C10orf90: variants seen among roughly 807,000 people sequenced by gnomAD.
The protein encoded by C10orf90 is (E2-independent) E3 ubiquitin-conjugating enzyme FATS.
C10orf90 carries 56 observed loss-of-function variants against 62.5 expected under a neutral mutation model. That is an observed-to-expected ratio of 0.90 (90% CI 0.72 to 1.12). The LOEUF (loss-of-function observed/expected upper bound fraction) is 1.12, where lower values mean the gene tolerates loss of function less well. Among genes scored for constraint, C10orf90 ranks in the 50% most tolerant of loss-of-function variants. The pLI is 0.00. For missense variants in C10orf90, 970 were observed against 880.4 expected, an observed-to-expected ratio of 1.10 and a Z score of -1.29; for synonymous variants, 386 against 340.4, an observed-to-expected ratio of 1.13 and a Z score of -1.47.
chr10:126,445,837 A>G (rs1471318000), intron 7 of C10orf90, among the ~76,000 whole-genome samples: 1 of 142,904 alleles, frequency 7.0e-6, no homozygotes, highest in African/African-American at 2.5e-5. Context: ...ACAATGGAAT[A>G]CTACTCAGCC....
At chr10:126,459,524 G>A (rs1158288268) in intron 6 of C10orf90, among the ~76,000 whole-genome samples, 1 of 152,192 alleles carries the variant, frequency 6.6e-6, no homozygotes, top group Non-Finnish European at 1.5e-5. Context: ...TTTCTACCCT[G>A]CTGAGTCATT....
At chr10:126,574,814 T>C (rs1844576999) in intron 2 of C10orf90, among the ~76,000 whole-genome samples, 1 of 152,132 alleles carries the variant, frequency 6.6e-6, no homozygotes, top group Non-Finnish European at 1.5e-5. Flanking sequence ...TCCACAGCAA[T>C]CTATGGCCAT....
chr10:126,557,479 C>A (rs75390780), intron 2 of C10orf90, among the ~76,000 whole-genome samples: 47 of 131,560 alleles, frequency 3.6e-4, no homozygotes, highest in African/African-American at 3.2e-4. Context: ...GACTCCATCT[C>A]AAAAAAAAAA....
chr10:126,494,602 G>A (rs1861941474), intron 4 of C10orf90, among the ~76,000 whole-genome samples: 1 of 152,172 alleles, frequency 6.6e-6, no homozygotes, highest in African/African-American at 2.4e-5. Flanking sequence ...CCACACCAAA[G>A]CACACAGAAA....
chr10:126,564,723 T>C (rs375462927), intron 2 of C10orf90, among the ~76,000 whole-genome samples: 5 of 142,202 alleles, frequency 3.5e-5, no homozygotes, highest in African/African-American at 1.3e-4. Context: ...GCCTGACTAC[T>C]GAGTGTCCTT....
chr10:126,521,260 T>C (rs1376247362), intron 2 of C10orf90: 1 of 1,604,268 alleles, frequency 6.2e-7, no homozygotes, highest in Non-Finnish European at 8.5e-7. Flanking sequence ...CTTTATATTT[T>C]AATAAGGGTT....
At chr10:126,476,325 T>G (rs921280481) in intron 4 of C10orf90, among the ~76,000 whole-genome samples, 1 of 152,220 alleles carries the variant, frequency 6.6e-6, no homozygotes, top group African/African-American at 2.4e-5. Context: ...CGTGGCCCTG[T>G]GTGCATCTCC....
chr10:126,633,590 A>C (rs1845893508), intron 2 of C10orf90, among the ~76,000 whole-genome samples: 1 of 152,226 alleles, frequency 6.6e-6, no homozygotes. Context: ...CGGGCTGAGC[A>C]TGGAGACCAA....
intron 2 of C10orf90, among the ~76,000 whole-genome samples, chr10:126,553,427 T>C (rs188405252): frequency 1.5e-3 from 221 of 152,220 alleles, no homozygotes; most frequent in African/African-American, 4.9e-3. Context: ...CAAAATACAA[T>C]CTTGTACCAC....
At position 126,459,113 on chromosome 10, in the gene C10orf90, G is replaced by A. The variant is rs529103539; in HGVS notation, c.2115C>T (p.Asp705=). The A allele has an allele frequency of 6.2e-7, 1 of 1,614,118 alleles. No individual in the cohort carries two copies. Among genetic ancestry groups the A allele is most frequent in the Admixed American group, 1.7e-5 (1 of 60,024 alleles). Residue 705 remains aspartate (D), a synonymous_variant, in exon 7 of 10, where the codon GAC becomes GAT. Transcript: ENST00000488181. The part of the protein sequence containing the change: ...VQQRKAQRKE[D]LRQKQSLLPI... ...GAAGGAGGCTCTGCTTCTGCCTCAG[G>A]TCCTCCTTCCGCTGGGCTTTCCTCT...
At position 126,510,887 on chromosome 10, in the gene C10orf90, G is replaced by A. The variant is rs59781949; in HGVS notation, c.405+2961C>T. 3.0e-3 allele frequency among the ~76,000 whole-genome samples: 463 copies of A among 152,342 alleles called. 6 individuals are homozygous for A. Among genetic ancestry groups the A allele is most frequent in the African/African-American group, 0.011 (454 of 41,584 alleles). ...CAGAGGAATCGGCTCCTAAGCCACT[G>A]GAGAGGCGATGCCTCCATTCCTGTA... is the stretch of plus-strand genomic sequence containing the variant. On this transcript the variant is annotated intron_variant, in intron 3 of 9. Coordinates refer to ENST00000488181, the MANE Select transcript of C10orf90 (RefSeq NM_001350921.2).
Position 126,503,970 on chromosome 10 carries a change from C to G in C10orf90, c.1521G>C (p.Trp507Cys), listed in dbSNP as rs1475128269. 2 of 1,610,726 alleles carry G rather than the reference C, an allele frequency of 1.2e-6. No homozygotes were observed. Among genetic ancestry groups the G allele is most frequent in the Non-Finnish European group, 1.7e-6 (2 of 1,178,736 alleles). ...CGCACCACTCACCTGCCCTGTAACT[C>G]CAGCCAGGAATGTGAATGGACAGTT... Reference protein sequence around the residue: ...ANQLSIHIPGWSYRAVHTKVF... With the variant: ...ANQLSIHIPGCSYRAVHTKVF... Residue 507 changes from tryptophan (W) to cysteine (C), a missense_variant, in exon 4 of 10, where the codon TGG becomes TGC. Physicochemically the swap from Trp to Cys is radical, Grantham distance 215 (BLOSUM62 -2). Coordinates refer to ENST00000488181, the MANE Select transcript of C10orf90 (RefSeq NM_001350921.2).
At chr10:126,467,349 G>A (rs535342705) in intron 4 of C10orf90, among the ~76,000 whole-genome samples, 14 of 152,288 alleles carry the variant, frequency 9.2e-5, no homozygotes, top group Middle Eastern at 3.4e-3. Flanking sequence ...ACGTACAATC[G>A]TCAGCTGTGC....
chr10:126,643,451 T>C (rs568514493), intron 2 of C10orf90, among the ~76,000 whole-genome samples: 60 of 152,204 alleles, frequency 3.9e-4, no homozygotes, highest in Non-Finnish European at 8.2e-4. Context: ...TTGAGATACA[T>C]GCCTGGCCCA....
chr10:126,496,548 A>G (rs778702447), intron 4 of C10orf90: 10 of 481,592 alleles, frequency 2.1e-5, no homozygotes, highest in Non-Finnish European at 2.7e-5. Context: ...GATTATTCTT[A>G]CCGAGTTCCT....
intron 4 of C10orf90, among the ~76,000 whole-genome samples, chr10:126,486,149 G>C: frequency 6.6e-6 from 1 of 152,196 alleles, no homozygotes; most frequent in East Asian, 1.9e-4. Flanking sequence ...CTAAACATGG[G>C]ACCTGAGAAT....
intron 7 of C10orf90, among the ~76,000 whole-genome samples, chr10:126,450,822 A>C (rs1017712332): frequency 6.6e-6 from 1 of 152,208 alleles, no homozygotes; most frequent in African/African-American, 2.4e-5. Context: ...ACAGGCAACA[A>C]CACCAAAAAC....
At chr10:126,505,592 G>A (rs1416178968) in intron 3 of C10orf90, among the ~76,000 whole-genome samples, 1 of 152,206 alleles carries the variant, frequency 6.6e-6, no homozygotes, top group Admixed American at 6.5e-5. Context: ...TGCCGGTTTA[G>A]ACTCTAATTC....
At chr10:126,670,194 C>G in intron 1 of C10orf90, 47 bp downstream of exon 1, 1 of 449,436 alleles carries the variant, frequency 2.2e-6, no homozygotes, top group South Asian at 1.6e-5. Flanking sequence ...GTCCATCTCT[C>G]TCTGAGTCAA....
Sources: allele counts gnomAD v4.1 joint callset (sites outside exome capture counted in the v4.1 genomes callset), GRCh38; gene constraint gnomAD v4.1.1; transcripts MANE v1.5; gene names NCBI Gene and HGNC (gene_info 2026-07-23, HGNC 2026-07-21).